SLC4A4: variants seen among roughly 807,000 people sequenced by gnomAD.
SLC4A4 encodes solute carrier family 4 member 4.
SLC4A4 carries 27 observed loss-of-function variants against 111.5 expected under a neutral mutation model. That is an observed-to-expected ratio of 0.24 (90% confidence interval 0.18 to 0.33). The LOEUF is 0.33. Among genes scored for constraint, SLC4A4 ranks in the 10% least tolerant of loss-of-function variants. The pLI, the probability that SLC4A4 is intolerant of heterozygous loss-of-function variation, is 1.00. For synonymous variants in SLC4A4, 443 were observed against 463.4 expected (o/e 0.96, Z 0.57); for missense variants, 909 against 1,315.5 (o/e 0.69, Z 4.78).
At chr4:71,082,566 T>C (rs1173707553) in intron 1 of SLC4A4, among the ~76,000 whole-genome samples, 1 of 152,124 alleles carries the variant, frequency 6.6e-6, no homozygotes, top group Non-Finnish European at 1.5e-5. Flanking sequence ...TATTTATCTA[T>C]ATAAAACAAT....
At chr4:71,086,585 A>G (rs1374988511) in intron 1 of SLC4A4, among the ~76,000 whole-genome samples, 1 of 151,964 alleles carries the variant, frequency 6.6e-6, no homozygotes, top group Admixed American at 6.6e-5. Flanking sequence ...TCCCATCAAT[A>G]CCTAATTTAT....
intron 2 of SLC4A4, among the ~76,000 whole-genome samples, chr4:71,107,581 C>T (rs1157110294): frequency 2.0e-5 from 3 of 152,132 alleles, no homozygotes; most frequent in Non-Finnish European, 4.4e-5. Context: ...AACTCCCGAC[C>T]TCAAATGATA....
intron 3 of SLC4A4, among the ~76,000 whole-genome samples, chr4:71,272,700 C>T (rs1409155708): frequency 1.3e-5 from 2 of 152,100 alleles, no homozygotes; most frequent in Non-Finnish European, 2.9e-5. Flanking sequence ...CACATCATAA[C>T]GCATGAAGGA....
At chr4:71,426,926 G>T (rs576999347) in intron 7 of SLC4A4, among the ~76,000 whole-genome samples, 1 of 152,092 alleles carries the variant, frequency 6.6e-6, no homozygotes, top group African/African-American at 2.4e-5. Flanking sequence ...TTACCCTTAA[G>T]TATTCCCCAC....
rs529153583 is a variant in SLC4A4 at position 71,470,196 on chromosome 4, C to T, written c.1632-2503C>T. On this transcript the variant is annotated intron_variant, in intron 13 of 25. Coordinates refer to ENST00000264485, the MANE Select transcript of SLC4A4 (RefSeq NM_001098484.3). Reference sequence around the variant, plus strand: ...TCAAATTTCTAGAACTCAGTTTTTTCTATAGTTTACTTATCTCACATAGGC... The same window carrying T: ...TCAAATTTCTAGAACTCAGTTTTTTTTATAGTTTACTTATCTCACATAGGC... Among the ~76,000 whole-genome samples the T allele has an allele frequency of 6.3e-4, 96 of 151,922 alleles. 1 individual carries two copies. Among genetic ancestry groups the T allele is most frequent in the South Asian group, 5.4e-3 (26 of 4,814 alleles).
chr4:71,475,564 ACT>A (rs1414481302), intron 14 of SLC4A4, among the ~76,000 whole-genome samples: 3 of 151,838 alleles, frequency 2.0e-5, no homozygotes, highest in African/African-American at 7.2e-5. Flanking sequence ...GTCCAGAAGG[ACT>A]CTGACAATTC....
intron 14 of SLC4A4, among the ~76,000 whole-genome samples, chr4:71,482,036 T>C (rs1412281072): frequency 1.3e-5 from 2 of 151,640 alleles, no homozygotes; most frequent in Non-Finnish European, 3.0e-5. Flanking sequence ...ATTAAGGAGA[T>C]TGCAGATTCC....
At chr4:71,487,772 TAG>T (rs1302527375) in intron 15 of SLC4A4, among the ~76,000 whole-genome samples, 1 of 151,664 alleles carries the variant, frequency 6.6e-6, no homozygotes, top group African/African-American at 2.4e-5. Flanking sequence ...AGATATTATG[TAG>T]TGAGTGCCCT....
chr4:71,161,353 T>A (rs1024996805), intron 2 of SLC4A4, among the ~76,000 whole-genome samples: 4 of 152,222 alleles, frequency 2.6e-5, no homozygotes, highest in Non-Finnish European at 5.9e-5. Flanking sequence ...TCATCAGCTA[T>A]ATCCTATTGT....
At chr4:71,176,549 C>T (rs1450631744) in intron 2 of SLC4A4, among the ~76,000 whole-genome samples, 1 of 152,020 alleles carries the variant, frequency 6.6e-6, no homozygotes, top group Non-Finnish European at 1.5e-5. Flanking sequence ...CCTCAGTAGC[C>T]GATTTGATCA....
At chr4:71,270,234 C>T (rs1292855197) in intron 3 of SLC4A4, among the ~76,000 whole-genome samples, 1 of 152,088 alleles carries the variant, frequency 6.6e-6, no homozygotes, top group Non-Finnish European at 1.5e-5. Context: ...ATTACAGGCA[C>T]CTGCCACCAT....
intron 1 of SLC4A4, chr4:71,236,339 C>A: frequency 1.1e-6 from 1 of 945,532 alleles, no homozygotes; most frequent in Non-Finnish European, 1.4e-6. Context: ...TTTTCTCTTA[C>A]CTGTCTATGT....
chr4:71,315,641 A>G (rs1335061117), intron 3 of SLC4A4, among the ~76,000 whole-genome samples: 1 of 152,152 alleles, frequency 6.6e-6, no homozygotes, highest in Admixed American at 6.6e-5. Flanking sequence ...ATTTGGAAAG[A>G]GTATTTTTAT....
chr4:71,208,695 T>C (rs1331753096), intron 1 of SLC4A4, among the ~76,000 whole-genome samples: 1 of 152,132 alleles, frequency 6.6e-6, no homozygotes, highest in Non-Finnish European at 1.5e-5. Context: ...TTTTCTTTTA[T>C]TGTTGTCATC....
intron 3 of SLC4A4, among the ~76,000 whole-genome samples, chr4:71,293,762 A>C (rs879727959): frequency 3.3e-5 from 5 of 152,126 alleles, no homozygotes; most frequent in Non-Finnish European, 7.4e-5. Context: ...ATTCTTTTAG[A>C]ACTTAAGTTT....
chr4:71,178,722 C>T (rs1051402246), intron 2 of SLC4A4, among the ~76,000 whole-genome samples: 1 of 152,048 alleles, frequency 6.6e-6, no homozygotes, highest in African/African-American at 2.4e-5. Flanking sequence ...AATAGCTTAC[C>T]AACCAAAAAA....
intron 2 of SLC4A4, among the ~76,000 whole-genome samples, chr4:71,123,320 C>G (rs980159574): frequency 5.3e-5 from 8 of 152,014 alleles, no homozygotes; most frequent in African/African-American, 1.9e-4. Flanking sequence ...TTGTAATATG[C>G]TAGGGAAAAA....
chr4:71,461,929 T>A lies in SLC4A4; in HGVS notation c.1498-4515T>A, dbSNP rs192184272. Among the ~76,000 whole-genome samples the A allele has an allele frequency of 1.6e-3, 251 of 152,332 alleles. 1 individual carries two copies. Among genetic ancestry groups the A allele is most frequent in the South Asian group, 2.9e-3 (14 of 4,824 alleles). ...AGGAATGGAAAGAAGCGTCTCTTAA[T>A]GGCCGTAGTGTTGCCGCCTAAGACT... On this transcript the variant is annotated intron_variant, in intron 12 of 25. Coordinates refer to ENST00000264485, the MANE Select transcript of SLC4A4 (RefSeq NM_001098484.3).
intron 1 of SLC4A4, among the ~76,000 whole-genome samples, chr4:71,228,261 T>C (rs1719177294): frequency 6.6e-6 from 1 of 152,100 alleles, no homozygotes; most frequent in African/African-American, 2.4e-5. Flanking sequence ...GAAGACAGAG[T>C]TTAGGAGACT....
Sources: gnomAD v4.1 joint callset for allele counts (sites outside exome capture counted in the v4.1 genomes callset) on GRCh38, gnomAD v4.1.1 for gene constraint, MANE v1.5 for transcripts, NCBI Gene and HGNC (gene_info 2026-07-23, HGNC 2026-07-21) for gene names.